The following CSMD1 variants were observed in gnomAD, a reference collection of about 807,000 sequenced individuals.
CSMD1 encodes the protein CUB and Sushi multiple domains 1.
CSMD1 carries 213 observed loss-of-function variants against 417.5 expected under a neutral mutation model. That is an observed-to-expected ratio of 0.51 (90% CI 0.46 to 0.57). The LOEUF (loss-of-function observed/expected upper bound fraction) is 0.57, where lower values mean the gene tolerates loss of function less well. CSMD1 is among the 20% of genes least tolerant of loss of function. The pLI is 0.00. For missense variants in CSMD1, 6,923 were observed against 4,529.7 expected, an observed-to-expected ratio of 1.53 and a Z score of -15.17; for synonymous variants, 2,862 against 1,736.8, an observed-to-expected ratio of 1.65 and a Z score of -16.11.
At chr8:4,955,546 C>A (rs891605104) in intron 1 of CSMD1, among the ~76,000 whole-genome samples, 6 of 151,926 alleles carry the variant, frequency 3.9e-5, no homozygotes, top group African/African-American at 1.5e-4. Flanking sequence ...ACCTCCGCCT[C>A]CTGGGTTCAA....
At chr8:3,581,416 G>C (rs527572188) in intron 9 of CSMD1, among the ~76,000 whole-genome samples, 3 of 152,278 alleles carry the variant, frequency 2.0e-5, no homozygotes, top group South Asian at 2.1e-4. Context: ...AGGAAGAAAA[G>C]GTAATGTTGC....
At chr8:4,181,461 A>C (rs554158433) in intron 3 of CSMD1, among the ~76,000 whole-genome samples, 1 of 152,260 alleles carries the variant, frequency 6.6e-6, no homozygotes, top group East Asian at 1.9e-4. Context: ...TGGGTCACAC[A>C]GAAAATACAC....
chr8:3,828,300 G>A (rs1450917942), intron 5 of CSMD1, among the ~76,000 whole-genome samples: 1 of 152,066 alleles, frequency 6.6e-6, no homozygotes, highest in East Asian at 1.9e-4. Flanking sequence ...TTTCAGTTTG[G>A]AACACCTGTC....
chr8:4,339,743 G>C (rs1397318115), intron 3 of CSMD1, among the ~76,000 whole-genome samples: 2 of 152,102 alleles, frequency 1.3e-5, no homozygotes, highest in Non-Finnish European at 2.9e-5. Context: ...AGTAGAAAAA[G>C]CTGAGTGCAG....
chr8:2,984,538 A>G (rs969685844), intron 54 of CSMD1, among the ~76,000 whole-genome samples: 3 of 152,158 alleles, frequency 2.0e-5, no homozygotes, highest in African/African-American at 4.8e-5. Context: ...TAGTACAGAC[A>G]GGGTTTCACC....
intron 7 of CSMD1, among the ~76,000 whole-genome samples, chr8:3,627,901 T>C (rs1003911203): frequency 1.3e-5 from 2 of 152,190 alleles, no homozygotes; most frequent in African/African-American, 4.8e-5. Flanking sequence ...TAGGAGAGCT[T>C]TAAGGAGATA....
chr8:3,823,825 G>T (rs528882894), intron 5 of CSMD1, among the ~76,000 whole-genome samples: 1 of 152,134 alleles, frequency 6.6e-6, no homozygotes, highest in East Asian at 1.9e-4. Flanking sequence ...TGATCATAAA[G>T]ATGGTAATTT....
At chr8:3,330,097 C>G (rs1039705234) in intron 23 of CSMD1, among the ~76,000 whole-genome samples, 1 of 152,080 alleles carries the variant, frequency 6.6e-6, no homozygotes, top group Non-Finnish European at 1.5e-5. Context: ...CCTCCCAGGT[C>G]AAAGCAGGGT....
intron 5 of CSMD1, among the ~76,000 whole-genome samples, chr8:3,779,149 TTG>T (rs56294437): frequency 0.39 from 58,014 of 147,098 alleles, 11,216 homozygotes; most frequent in Middle Eastern, 0.45. Context: ...GCGTGCATAC[TTG>T]TGTGTGTGTG....
At chr8:4,960,766 C>G (rs927388407) in intron 1 of CSMD1, among the ~76,000 whole-genome samples, 1 of 152,070 alleles carries the variant, frequency 6.6e-6, no homozygotes, top group African/African-American at 2.4e-5. Flanking sequence ...ACACAAGTTT[C>G]TTACATCTAA....
intron 7 of CSMD1, among the ~76,000 whole-genome samples, chr8:3,624,138 A>G (rs1438512303): frequency 6.6e-6 from 1 of 152,208 alleles, no homozygotes; most frequent in African/African-American, 2.4e-5. Context: ...AAATTTAATT[A>G]ATAATAAAAA....
intron 33 of CSMD1, among the ~76,000 whole-genome samples, chr8:3,191,218 G>A (rs558108752): frequency 6.6e-5 from 10 of 152,318 alleles, no homozygotes; most frequent in Admixed American, 2.6e-4. Context: ...ACTTTGGGAG[G>A]CAGAGGAGGG....
chr8:3,362,207 A>G (rs903018866), intron 20 of CSMD1, among the ~76,000 whole-genome samples: 1 of 152,192 alleles, frequency 6.6e-6, no homozygotes, highest in African/African-American at 2.4e-5. Context: ...ACAGTCACCC[A>G]GCCACCATAT....
At chr8:3,535,684 T>C (rs1427172004) in intron 10 of CSMD1, among the ~76,000 whole-genome samples, 1 of 152,220 alleles carries the variant, frequency 6.6e-6, no homozygotes, top group Non-Finnish European at 1.5e-5. Flanking sequence ...TGTAACAAAA[T>C]TGCACTTGTA....
intron 5 of CSMD1, among the ~76,000 whole-genome samples, chr8:3,867,475 T>C (rs145728125): frequency 6.6e-6 from 1 of 152,258 alleles, no homozygotes; most frequent in East Asian, 1.9e-4. Context: ...ACAAAATATA[T>C]CTGACCTGCT....
chr8:3,467,570 G>C (rs982570375), intron 12 of CSMD1, among the ~76,000 whole-genome samples: 2 of 152,130 alleles, frequency 1.3e-5, no homozygotes, highest in African/African-American at 4.8e-5. Context: ...ATTCACAAGG[G>C]TCATTAAGTC....
intron 1 of CSMD1, among the ~76,000 whole-genome samples, chr8:4,713,387 T>C: frequency 6.6e-6 from 1 of 151,562 alleles, no homozygotes; most frequent in South Asian, 2.1e-4. Flanking sequence ...TTGTTTTGTT[T>C]TGTTTTGTTT....
At chr8:4,050,828 T>C (rs1798386921) in intron 3 of CSMD1, among the ~76,000 whole-genome samples, 1 of 152,178 alleles carries the variant, frequency 6.6e-6, no homozygotes, top group Admixed American at 6.5e-5. Context: ...CAAGTGCCAA[T>C]TTTTAAAATT....
intron 1 of CSMD1, among the ~76,000 whole-genome samples, chr8:4,899,467 G>C (rs1490839060): frequency 6.6e-6 from 1 of 152,154 alleles, no homozygotes; most frequent in South Asian, 2.1e-4. Flanking sequence ...CATGTCCATA[G>C]TCAATTAAAG....
Sources: allele counts gnomAD v4.1 joint callset (sites outside exome capture counted in the v4.1 genomes callset), GRCh38; gene constraint gnomAD v4.1.1; transcripts MANE v1.5; gene names NCBI Gene and HGNC (gene_info 2026-07-23, HGNC 2026-07-21).